The following CSMD1 variants were observed in gnomAD, a reference collection of about 807,000 sequenced individuals.
The protein encoded by CSMD1 is CUB and sushi domain-containing protein 1.
A neutral mutation model predicts 417.5 loss-of-function variants in CSMD1; 213 were observed. The observed-to-expected ratio is 0.51, with a 90% CI of 0.46 to 0.57. CSMD1 has a LOEUF of 0.57. Among genes scored for constraint, CSMD1 ranks in the 20% least tolerant of loss-of-function variants. The pLI, the probability that CSMD1 is intolerant of heterozygous loss-of-function variation, is 0.00. For synonymous variants in CSMD1, 2,862 were observed against 1,736.8 expected (o/e 1.65, Z -16.11); for missense variants, 6,923 against 4,529.7 (o/e 1.53, Z -15.17).
intron 7 of CSMD1, among the ~76,000 whole-genome samples, chr8:3,690,276 C>T (rs879898538): frequency 2.6e-5 from 4 of 152,272 alleles, no homozygotes; most frequent in East Asian, 1.9e-4. Context: ...TCAGAAGGAT[C>T]GTTTGAGCCC....
chr8:4,814,454 C>T (rs1799089307), intron 1 of CSMD1, among the ~76,000 whole-genome samples: 1 of 152,160 alleles, frequency 6.6e-6, no homozygotes, highest in African/African-American at 2.4e-5. Context: ...ACCATGTTGG[C>T]CAAGGTGATC....
chr8:3,459,853 T>G (rs11784979), intron 12 of CSMD1, among the ~76,000 whole-genome samples: 1 of 151,654 alleles, frequency 6.6e-6, no homozygotes, highest in South Asian at 2.1e-4. Context: ...CTCAAACGTA[T>G]AAAAACTCAA....
chr8:3,755,909 T>G (rs1030885830), intron 5 of CSMD1, among the ~76,000 whole-genome samples: 1 of 152,130 alleles, frequency 6.6e-6, no homozygotes, highest in African/African-American at 2.4e-5. Flanking sequence ...AAGGCATATT[T>G]AATCACCTTT....
intron 5 of CSMD1, among the ~76,000 whole-genome samples, chr8:3,957,208 A>G (rs536713166): frequency 5.3e-5 from 8 of 152,208 alleles, no homozygotes; most frequent in South Asian, 4.1e-4. Flanking sequence ...ATTTCTCAAA[A>G]TGAGAAGACA....
intron 3 of CSMD1, among the ~76,000 whole-genome samples, chr8:4,170,519 G>C (rs1432094027): frequency 2.6e-5 from 4 of 151,912 alleles, no homozygotes; most frequent in Middle Eastern, 6.8e-3. Flanking sequence ...ATTAAGTAGA[G>C]GTAAAGTCTA....
chr8:3,365,335 A>G (rs1250695875), intron 20 of CSMD1, among the ~76,000 whole-genome samples: 1 of 152,230 alleles, frequency 6.6e-6, no homozygotes, highest in African/African-American at 2.4e-5. Flanking sequence ...AGGTAGAATT[A>G]GAGGGAGTAT....
At chr8:3,714,259 T>C (rs1381688073) in intron 6 of CSMD1, among the ~76,000 whole-genome samples, 1 of 143,436 alleles carries the variant, frequency 7.0e-6, no homozygotes, top group Non-Finnish European at 1.5e-5. Context: ...TTCTCTAATT[T>C]AATTTGTCTT....
chr8:3,708,776 G>A (rs570649579), intron 6 of CSMD1, among the ~76,000 whole-genome samples: 25 of 152,298 alleles, frequency 1.6e-4, no homozygotes, highest in African/African-American at 5.5e-4. Flanking sequence ...ACCACTAGGA[G>A]TGGCAGATTC....
At chr8:3,497,572 A>G (rs1796419346) in intron 10 of CSMD1, among the ~76,000 whole-genome samples, 1 of 151,718 alleles carries the variant, frequency 6.6e-6, no homozygotes, top group Non-Finnish European at 1.5e-5. Flanking sequence ...GCCATTTCAC[A>G]TTTTTTCACT....
intron 6 of CSMD1, among the ~76,000 whole-genome samples, chr8:3,734,184 C>G (rs1221830684): frequency 3.3e-5 from 5 of 152,162 alleles, no homozygotes; most frequent in Non-Finnish European, 5.9e-5. Context: ...AAACATTGAG[C>G]TGATGCATGG....
intron 3 of CSMD1, among the ~76,000 whole-genome samples, chr8:4,237,422 T>C (rs1802134091): frequency 6.6e-6 from 1 of 152,188 alleles, no homozygotes; most frequent in Admixed American, 6.5e-5. Flanking sequence ...CAGTTTTTTG[T>C]GAATATTTAA....
chr8:4,216,179 T>A (rs980928381), intron 3 of CSMD1, among the ~76,000 whole-genome samples: 1 of 152,176 alleles, frequency 6.6e-6, no homozygotes. Flanking sequence ...CTATGACACT[T>A]GTGGCTTTGT....
At chr8:4,724,948 T>C (rs928752576) in intron 1 of CSMD1, among the ~76,000 whole-genome samples, 5 of 152,288 alleles carry the variant, frequency 3.3e-5, no homozygotes, top group African/African-American at 1.2e-4. Flanking sequence ...TACAGTTGTA[T>C]AAATGATTCG....
chr8:3,402,119 G>C (rs946460321), intron 15 of CSMD1, among the ~76,000 whole-genome samples: 56 of 152,124 alleles, frequency 3.7e-4, no homozygotes, highest in African/African-American at 1.1e-3. Flanking sequence ...ATGCTGGCTT[G>C]ATGAAATGTT....
chr8:3,590,039 G>C (rs192219986), intron 8 of CSMD1, among the ~76,000 whole-genome samples: 50 of 151,998 alleles, frequency 3.3e-4, no homozygotes. Context: ...GGATATATTT[G>C]AAAGAATGCA....
intron 3 of CSMD1, among the ~76,000 whole-genome samples, chr8:4,336,207 G>A (rs1256476814): frequency 6.6e-6 from 1 of 152,148 alleles, no homozygotes; most frequent in African/African-American, 2.4e-5. Flanking sequence ...GGGAATGCAG[G>A]TAGTATGAAT....
intron 5 of CSMD1, among the ~76,000 whole-genome samples, chr8:3,805,779 TTG>T (rs1248937778): frequency 6.6e-6 from 1 of 152,168 alleles, no homozygotes; most frequent in Non-Finnish European, 1.5e-5. Context: ...ACCCCAGTCT[TTG>T]TGAGTCATCT....
intron 10 of CSMD1, among the ~76,000 whole-genome samples, chr8:3,507,080 T>C (rs1411286802): frequency 6.6e-6 from 1 of 152,150 alleles, no homozygotes; most frequent in East Asian, 1.9e-4. Flanking sequence ...TGGTTACAGT[T>C]TTACAAATGA....
At chr8:4,496,465 G>T (rs914324855) in intron 2 of CSMD1, among the ~76,000 whole-genome samples, 12 of 152,154 alleles carry the variant, frequency 7.9e-5, no homozygotes, top group Non-Finnish European at 1.8e-4. Context: ...GGCAAGCCAA[G>T]AGAACGTGGA....
Sources: allele counts gnomAD v4.1 joint callset (sites outside exome capture counted in the v4.1 genomes callset), GRCh38; gene constraint gnomAD v4.1.1; transcripts MANE v1.5; gene names NCBI Gene and HGNC (gene_info 2026-07-23, HGNC 2026-07-21).